Variants in WDR4 observed in about 807,000 individuals in gnomAD.
WDR4 encodes the protein WDR4 tRNA N7-guanosine methyltransferase non-catalytic subunit.
WDR4 carries 47 observed loss-of-function variants against 48.6 expected under a neutral mutation model. The observed-to-expected ratio is 0.97, with a 90% CI of 0.77 to 1.23. WDR4 has a LOEUF of 1.23. Ranked by LOEUF, WDR4 falls within the 50% of genes most tolerant of loss-of-function variation. The pLI is 0.00. For synonymous variants in WDR4, 268 were observed against 230.0 expected (o/e 1.17, Z -1.49); for missense variants, 606 against 551.6 (o/e 1.10, Z -0.99).
intron 2 of WDR4, among the ~76,000 whole-genome samples, chr21:42,875,227 A>G (rs2058464067): frequency 6.6e-6 from 1 of 152,100 alleles, no homozygotes; most frequent in Non-Finnish European, 1.5e-5. Context: ...CCTGGGTAAC[A>G]TGGCGAAACC....
Position 42,876,218 on chromosome 21 carries a change from C to CTTTTTT in WDR4, c.155+478_155+483dup, listed in dbSNP as rs373181618. 1.1e-3 allele frequency among the ~76,000 whole-genome samples: 114 copies of CTTTTTT among 105,870 alleles called. 5 individuals are homozygous for CTTTTTT. The highest frequency in any genetic ancestry group is 4.0e-3 in the African/African-American group (102 of 25,630). The allele number at this position is 105,870 out of a possible 152,430, so 69.5% of individuals were successfully genotyped here. A position where few individuals can be genotyped will look rare whatever the true frequency, so the allele number is the denominator to read the frequency against. On this transcript the variant is annotated intron_variant, in intron 2 of 10. Coordinates refer to ENST00000398208, the MANE Select transcript of WDR4 (RefSeq NM_018669.6). ...CCGCACCCGGCACTAACACTGTACT[C>CTTTTTT]TTTTTTTTTTTGGGAGACAGAGTCT...
At chr21:42,861,348 G>C (rs7283221) in intron 5 of WDR4, among the ~76,000 whole-genome samples, 23,051 of 144,534 alleles carry the variant, frequency 0.16, 2,298 homozygotes, top group Non-Finnish European at 0.21. Flanking sequence ...GGGTGGGGAG[G>C]GGGGAAGGAA....
upstream of WDR4, among the ~76,000 whole-genome samples, chr21:42,882,991 TG>T (rs1027449155): frequency 6.1e-5 from 9 of 147,808 alleles, no homozygotes; most frequent in Middle Eastern, 3.6e-3. Flanking sequence ...CCCAGCTACT[TG>T]GGAGGCTGAG....
rs1407353075 is a variant in WDR4 at position 42,863,980 on chromosome 21, G to A, written c.297-384C>T. Among the ~76,000 whole-genome samples, 6 of 82,206 alleles carry A rather than the reference G, an allele frequency of 7.3e-5. 3 individuals carry two copies. In the South Asian group the frequency reaches 1.4e-3, roughly 19 times the overall value. 53.9% of individuals were successfully genotyped at this position (82,206 alleles called of 152,430 possible). On this transcript the variant is annotated intron_variant, in intron 3 of 10. Transcript: ENST00000398208. ...AAATTAGCCAGGCGTGGTGGCGGGCGCCTGTAGTCCCAGCTACTCGGGAGG... is the reference window on the plus strand; with the variant it reads ...AAATTAGCCAGGCGTGGTGGCGGGCACCTGTAGTCCCAGCTACTCGGGAGG...
intron 3 of WDR4, 37 bp from the exon 4 acceptor site, chr21:42,863,633 G>T: frequency 1.2e-6 from 2 of 1,601,828 alleles, no homozygotes; most frequent in South Asian, 1.1e-5. Context: ...TAGCTTCCAG[G>T]AGCAGCGCAG....
Position 42,862,151 on chromosome 21 carries a change from A to C in WDR4, c.566+131T>G. The C allele has an allele frequency of 1.3e-6, 1 of 788,872 alleles. No homozygotes were observed. The allele number at this position is 788,872 out of a possible 1,614,324, so 48.9% of individuals were successfully genotyped here. Reference sequence around the variant, plus strand: ...AGCACCACGGCGCCTGCAGTGACCAAACACCAAGCACGGGGGCTGCTGTCA... The same window carrying C: ...AGCACCACGGCGCCTGCAGTGACCACACACCAAGCACGGGGGCTGCTGTCA... On this transcript the variant is annotated intron_variant, in intron 5 of 10. Coordinates refer to ENST00000398208, the MANE Select transcript of WDR4 (RefSeq NM_018669.6). This position sits in a 1 kb window ranked among gnomAD's most constrained non-coding sequence, Gnocchi z 4.3.
At chr21:42,879,625 G>C (rs191874604), upstream of WDR4, 1,199 of 1,176,768 alleles carry the variant, frequency 1.0e-3, 6 homozygotes, top group Middle Eastern at 7.9e-3. Flanking sequence ...GCTCAAGGAC[G>C]AGCCTGCCTT....
At chr21:42,890,760 C>A in the WDR4 span, among the ~76,000 whole-genome samples, 1 of 152,166 alleles carries the variant, frequency 6.6e-6, no homozygotes. Flanking sequence ...CCTCTGCTGT[C>A]GGAAAAATCT....
At chr21:42,867,115 G>A (rs1307876796) in intron 3 of WDR4, among the ~76,000 whole-genome samples, 1 of 152,230 alleles carries the variant, frequency 6.6e-6, no homozygotes, top group Non-Finnish European at 1.5e-5. Flanking sequence ...AGCAGGCCGG[G>A]CGCAGTGGCT....
At chr21:42,850,839 C>CT (rs1195175876) in intron 10 of WDR4, among the ~76,000 whole-genome samples, 1 of 152,204 alleles carries the variant, frequency 6.6e-6, no homozygotes, top group African/African-American at 2.4e-5. Flanking sequence ...TCTACTTTAT[C>CT]TAAGTGCCAA....
intron 3 of WDR4, among the ~76,000 whole-genome samples, chr21:42,869,016 G>T (rs1016310607): frequency 1.3e-5 from 2 of 152,230 alleles, no homozygotes; most frequent in Non-Finnish European, 2.9e-5. Flanking sequence ...TGGCGGGGGG[G>T]AACAGGCTAT....
In WDR4 at chr21:42,865,448, C is replaced by T. The variant is rs374911387; in HGVS notation, c.297-1852G>A. Among the ~76,000 whole-genome samples, 5 of 152,276 alleles carry T rather than the reference C, an allele frequency of 3.3e-5. 1 individual carries two copies. The highest frequency in any genetic ancestry group is 1.3e-4 in the Admixed American group (2 of 15,296). ...TGGACTCACAGGGCGCTCATCCCCC[C>T]AGCCTGGCTGGAAGGCGTGTGGCAC... is the stretch of plus-strand genomic sequence containing the variant. On this transcript the variant is annotated intron_variant, in intron 3 of 10. Coordinates refer to ENST00000398208, the MANE Select transcript of WDR4 (RefSeq NM_018669.6).
chr21:42,851,444 A>C (rs760083044), intron 10 of WDR4, among the ~76,000 whole-genome samples: 1 of 152,140 alleles, frequency 6.6e-6, no homozygotes, highest in Non-Finnish European at 1.5e-5. Context: ...AACTCCTCCG[A>C]CCTCAGTGTG....
intron 8 of WDR4, among the ~76,000 whole-genome samples, 155 bp from the exon 9 acceptor site, chr21:42,853,907 G>A (rs955676082): frequency 6.6e-5 from 10 of 152,194 alleles, no homozygotes; most frequent in East Asian, 1.9e-4. Flanking sequence ...TGCCGGCGCC[G>A]GGGAAACCAT....
the WDR4 span, among the ~76,000 whole-genome samples, chr21:42,888,699 A>AT: frequency 2.3e-3 from 326 of 140,436 alleles, 2 homozygotes; most frequent in Middle Eastern, 3.7e-3. Context: ...AAGGTTTATA[A>AT]TTTTTTTTTT....
At chr21:42,880,689 G>A (rs2058600640), upstream of WDR4, among the ~76,000 whole-genome samples, 1 of 152,130 alleles carries the variant, frequency 6.6e-6, no homozygotes, top group South Asian at 2.1e-4. Flanking sequence ...GCCCTCTTGG[G>A]TGTCCCTCCT....
At chr21:42,867,510 G>A (rs780475899) in intron 3 of WDR4, among the ~76,000 whole-genome samples, 10 of 151,982 alleles carry the variant, frequency 6.6e-5, no homozygotes, top group South Asian at 2.1e-4. Context: ...TGCTCGGGAC[G>A]AAAAGTGCTT....
chr21:42,845,788 C>G (rs1388923103), downstream of WDR4, among the ~76,000 whole-genome samples: 1 of 152,206 alleles, frequency 6.6e-6, no homozygotes, highest in East Asian at 1.9e-4. Context: ...TGAGAGCCAG[C>G]AATTCCACGC....
At chr21:42,873,727 C>T (rs746320750) in intron 2 of WDR4, 36 bp from the exon 3 acceptor site, 4 of 1,602,146 alleles carry the variant, frequency 2.5e-6, no homozygotes, top group Non-Finnish European at 3.4e-6. Context: ...TAAGCTTCAC[C>T]TAAGGAAATA....
Sources: allele counts gnomAD v4.1 joint callset (sites outside exome capture counted in the v4.1 genomes callset), GRCh38; gene constraint gnomAD v4.1.1; non-coding constraint Gnocchi (gnomAD v3.1); transcripts MANE v1.5; gene names NCBI Gene and HGNC (gene_info 2026-07-23, HGNC 2026-07-21).